The following SOX5 variants were observed in gnomAD, a reference collection of about 807,000 sequenced individuals.
The protein encoded by SOX5 is SRY-box transcription factor 5.
SOX5 carries 9 observed loss-of-function variants against 92.0 expected under a neutral mutation model. That is an observed-to-expected ratio of 0.10 (90% confidence interval 0.06 to 0.17). The LOEUF (loss-of-function observed/expected upper bound fraction) is 0.17. Ranked by LOEUF, SOX5 falls within the 10% of genes least tolerant of loss-of-function variation. The pLI is 1.00. For missense variants in SOX5, 642 were observed against 944.5 expected (o/e 0.68, Z 4.20); for synonymous variants, 344 against 336.3 (o/e 1.02, Z -0.25).
At chr12:24,258,289 AC>A (rs1266813045) in intron 3 of SOX5, among the ~76,000 whole-genome samples, 3 of 151,830 alleles carry the variant, frequency 2.0e-5, no homozygotes, top group Non-Finnish European at 4.4e-5. Context: ...AACAAAACAA[AC>A]AAACAAACAA....
intron 11 of SOX5, among the ~76,000 whole-genome samples, chr12:23,551,625 T>G (rs757251936): frequency 1.3e-4 from 19 of 151,904 alleles, no homozygotes; most frequent in Non-Finnish European, 2.2e-4. Flanking sequence ...AGAATAGCCA[T>G]AGACCCTTTG....
At chr12:24,174,056 G>A (rs1276300531) in intron 4 of SOX5, among the ~76,000 whole-genome samples, 4 of 151,828 alleles carry the variant, frequency 2.6e-5, no homozygotes, top group Admixed American at 1.3e-4. Context: ...GGAGTACAGT[G>A]GTATAATCTC....
chr12:23,864,623 C>A (rs1178889795), intron 2 of SOX5, among the ~76,000 whole-genome samples: 1 of 152,156 alleles, frequency 6.6e-6, no homozygotes, highest in African/African-American at 2.4e-5. Context: ...CCACAAAATT[C>A]ATTTAAGCCA....
intron 3 of SOX5, among the ~76,000 whole-genome samples, chr12:23,787,994 C>A (rs2141903984): frequency 6.6e-6 from 1 of 151,334 alleles, no homozygotes; most frequent in East Asian, 1.9e-4. Flanking sequence ...AGATACTGCT[C>A]ATCTATTTAT....
chr12:24,137,661 CAAA>C (rs201393495), intron 4 of SOX5, among the ~76,000 whole-genome samples: 1 of 151,904 alleles, frequency 6.6e-6, no homozygotes, highest in Non-Finnish European at 1.5e-5. Context: ...AAAAACAAAA[CAAA>C]AAAACTCTGT....
chr12:23,770,566 TCTTTA>T (rs937796570), intron 3 of SOX5, among the ~76,000 whole-genome samples: 30 of 151,992 alleles, frequency 2.0e-4, no homozygotes, highest in African/African-American at 7.2e-4. Context: ...TTCAACATGC[TCTTTA>T]CTTTGTTATG....
At chr12:23,934,927 A>C (rs978685381) in intron 1 of SOX5, among the ~76,000 whole-genome samples, 3 of 151,310 alleles carry the variant, frequency 2.0e-5, no homozygotes, top group African/African-American at 7.3e-5. Flanking sequence ...TCTGACTCCA[A>C]AGTACTCTTG....
At chr12:24,514,487 C>A (rs1033686424) in intron 1 of SOX5, among the ~76,000 whole-genome samples, 18 of 152,288 alleles carry the variant, frequency 1.2e-4, no homozygotes, top group Middle Eastern at 3.4e-3. Context: ...ATTTACCCAA[C>A]ATTTTTCTCA....
intron 4 of SOX5, among the ~76,000 whole-genome samples, chr12:24,208,609 C>T (rs1958263768): frequency 6.6e-6 from 1 of 152,170 alleles, no homozygotes; most frequent in African/African-American, 2.4e-5. Context: ...TCTATGAAGC[C>T]TTATACACTG....
intron 1 of SOX5, among the ~76,000 whole-genome samples, chr12:24,506,174 G>T (rs1331597388): frequency 6.6e-6 from 1 of 151,810 alleles, no homozygotes. Context: ...ATCTTTACAT[G>T]ACAATAGTTA....
In SOX5 at chr12:24,349,220, A is replaced by C. The variant is rs73289723; in HGVS notation, c.-174+19343T>G. ...CTTTGCTAAACAATTCATCTAACTC[A>C]TCCCCTCTCCCCAGTTCCCCTCTGT... On this transcript the variant is annotated intron_variant, in intron 2 of 4. Transcript: ENST00000446891. 5.6e-3 allele frequency among the ~76,000 whole-genome samples: 852 copies of C among 152,176 alleles called. 6 individuals are homozygous for C. The highest frequency in any genetic ancestry group is 0.019 in the African/African-American group (806 of 41,502).
intron 7 of SOX5, among the ~76,000 whole-genome samples, chr12:23,665,091 T>C (rs565088285): frequency 5.9e-5 from 9 of 152,262 alleles, no homozygotes; most frequent in African/African-American, 2.2e-4. Flanking sequence ...GGCCAACTCA[T>C]TCATGTTAGG....
intron 2 of SOX5, among the ~76,000 whole-genome samples, chr12:23,864,468 C>G (rs2096790392): frequency 6.6e-6 from 1 of 152,114 alleles, no homozygotes; most frequent in East Asian, 1.9e-4. Context: ...CCTCTTGCAC[C>G]ATAGTTAGCC....
intron 3 of SOX5, among the ~76,000 whole-genome samples, chr12:24,266,411 G>T (rs1943029405): frequency 6.6e-6 from 1 of 152,134 alleles, no homozygotes; most frequent in African/African-American, 2.4e-5. Context: ...TGCACTGTGT[G>T]AAATGGTTCT....
At chr12:24,219,655 A>C (rs746385068) in intron 3 of SOX5, among the ~76,000 whole-genome samples, 10 of 152,084 alleles carry the variant, frequency 6.6e-5, no homozygotes, top group Non-Finnish European at 1.5e-4. Flanking sequence ...ATACCACCTA[A>C]GTGTCTAACC....
intron 4 of SOX5, among the ~76,000 whole-genome samples, chr12:24,016,341 A>G (rs1833783359): frequency 6.6e-6 from 1 of 152,192 alleles, no homozygotes. Context: ...AACCATACAC[A>G]AAAAGTAAGT....
intron 1 of SOX5, among the ~76,000 whole-genome samples, chr12:23,908,911 T>C (rs1271766113): frequency 1.3e-5 from 2 of 152,132 alleles, no homozygotes; most frequent in African/African-American, 4.8e-5. Flanking sequence ...TTTTATGTCT[T>C]AACTGTTTAT....
At chr12:24,079,860 T>C (rs994510999) in intron 4 of SOX5, among the ~76,000 whole-genome samples, 2 of 152,000 alleles carry the variant, frequency 1.3e-5, no homozygotes, top group African/African-American at 4.8e-5. Flanking sequence ...CGATCTGTAT[T>C]TTAATAAGTG....
chr12:23,715,819 A>AC (rs918448691), intron 6 of SOX5, among the ~76,000 whole-genome samples: 169 of 151,064 alleles, frequency 1.1e-3, no homozygotes, highest in African/African-American at 3.9e-3. Context: ...CAAAAAAAAA[A>AC]AAAAAAAAAA....
Sources: allele counts gnomAD v4.1 joint callset (sites outside exome capture counted in the v4.1 genomes callset), GRCh38; gene constraint gnomAD v4.1.1; transcripts MANE v1.5; gene names NCBI Gene and HGNC (gene_info 2026-07-23, HGNC 2026-07-21).